The following ZRANB3 variants were observed in gnomAD, a reference collection of about 807,000 sequenced individuals.
The protein encoded by ZRANB3 is DNA annealing helicase and endonuclease ZRANB3.
Under a neutral mutation model 133.8 loss-of-function variants are expected in ZRANB3, and 125 were observed. The ratio of observed to expected loss-of-function variants is 0.93; its 90% confidence interval spans 0.81 to 1.08. The LOEUF is 1.08. ZRANB3 is among the 50% of genes least tolerant of loss of function. ZRANB3 has a pLI of 0.00. For missense variants in ZRANB3, 1,229 were observed against 1,275.5 expected, an observed-to-expected ratio of 0.96 and a Z score of 0.56; for synonymous variants, 387 against 432.7, an observed-to-expected ratio of 0.89 and a Z score of 1.31.
At chr2:135,214,230 T>C (rs1694214181) in intron 17 of ZRANB3, among the ~76,000 whole-genome samples, 2 of 152,164 alleles carry the variant, frequency 1.3e-5, no homozygotes, top group Non-Finnish European at 2.9e-5. Flanking sequence ...AAATTTGTGG[T>C]AATTTGTTAT....
chr2:135,410,256 C>G (rs998575849), intron 2 of ZRANB3, among the ~76,000 whole-genome samples: 3 of 152,048 alleles, frequency 2.0e-5, no homozygotes, highest in Non-Finnish European at 4.4e-5. Flanking sequence ...CTACAGTAAC[C>G]AAAACAGCAT....
At chr2:135,420,690 C>T (rs1473922326) in intron 2 of ZRANB3, among the ~76,000 whole-genome samples, 1 of 152,088 alleles carries the variant, frequency 6.6e-6, no homozygotes, top group Admixed American at 6.6e-5. Context: ...AGTAAGAGTG[C>T]TCTTCTTATA....
chr2:135,478,177 G>A (rs950762000), intron 2 of ZRANB3, among the ~76,000 whole-genome samples: 10 of 151,496 alleles, frequency 6.6e-5, no homozygotes, highest in East Asian at 1.9e-4. Context: ...ACATACACAC[G>A]TCTATAAATA....
rs143717767 is a variant in ZRANB3 at position 135,265,588 on chromosome 2, A to C, written c.1485T>G (p.Ala495=). 888 of 1,613,696 alleles carry C rather than the reference A, an allele frequency of 5.5e-4. 20 individuals carry two copies. In the East Asian group the frequency reaches 0.018, roughly 33 times the overall value. ...EKWDFLQFAE[A]WTPNDSSEEL... ...CTTCAGAACTGTCATTTGGAGTCCA[A>C]GCTTCAGCAAACTGCAGGAAATCCC... The change falls in exon 12 of 21, where the codon GCT becomes GCG. Residue 495 remains alanine (A), a synonymous_variant. Coordinates refer to ENST00000264159, the MANE Select transcript of ZRANB3 (RefSeq NM_032143.4).
At chr2:135,438,790 A>C (rs915093226) in intron 2 of ZRANB3, among the ~76,000 whole-genome samples, 30 of 152,300 alleles carry the variant, frequency 2.0e-4, no homozygotes, top group Non-Finnish European at 1.6e-4. Context: ...CTAAAAAAAT[A>C]TCTCTGAGGC....
chr2:135,516,347 A>T (rs1206169841), intron 1 of ZRANB3, among the ~76,000 whole-genome samples: 1 of 152,110 alleles, frequency 6.6e-6, no homozygotes, highest in Non-Finnish European at 1.5e-5. Flanking sequence ...AGTTGATGAA[A>T]TTTCTTCACA....
chr2:135,523,178 T>C (rs1444730214), intron 1 of ZRANB3, among the ~76,000 whole-genome samples: 2 of 152,176 alleles, frequency 1.3e-5, no homozygotes, highest in Non-Finnish European at 2.9e-5. Flanking sequence ...GTTTCATTCT[T>C]GATTTCTCCC....
intron 12 of ZRANB3, among the ~76,000 whole-genome samples, chr2:135,250,043 G>A (rs1391849293): frequency 2.0e-5 from 3 of 152,198 alleles, no homozygotes; most frequent in Non-Finnish European, 4.4e-5. Context: ...CTAGATACTT[G>A]TTGAATGGCT....
Position 135,240,245 on chromosome 2 carries a change from A to AG in ZRANB3, c.1540-9319dup, listed in dbSNP as rs201770765. Among the ~76,000 whole-genome samples the AG allele has an allele frequency of 2.2e-4, 33 of 152,306 alleles. 3 individuals carry two copies. The highest frequency in any genetic ancestry group is 7.7e-4 in the African/African-American group (32 of 41,566). The stretch of plus-strand genomic sequence containing the variant: ...TAGTCCTAGCTACTTTAGGAGGCTG[A>AG]GGAAGGAGGATTGCTTGAGTCCAGG... On this transcript the variant is annotated intron_variant, in intron 12 of 20. Transcript: ENST00000264159.
chr2:135,347,371 C>CA (rs1684986448), intron 5 of ZRANB3, among the ~76,000 whole-genome samples: 1 of 150,804 alleles, frequency 6.6e-6, no homozygotes, highest in Non-Finnish European at 1.5e-5. Flanking sequence ...CGGCTCACTG[C>CA]AAGCTCCGCC....
Position 135,459,552 on chromosome 2 carries a change from T to C in ZRANB3, c.161+44777A>G, listed in dbSNP as rs1340794953. ...GGATTCTTTGCTCCAATGAGGAATT[T>C]TATCACTGTCTTTGATTTTTTTAAA... On this transcript the variant is annotated intron_variant, in intron 2 of 20. Coordinates refer to ENST00000264159, the MANE Select transcript of ZRANB3 (RefSeq NM_032143.4). Among the ~76,000 whole-genome samples, 3 of 152,212 alleles carry C rather than the reference T, an allele frequency of 2.0e-5. No homozygotes were observed. In the East Asian group the frequency reaches 5.8e-4, roughly 29 times the overall value.
rs572227182 is a variant in ZRANB3, at chr2:135,526,451, A to C, written c.-8+4676T>G. The stretch of plus-strand genomic sequence containing the variant: ...AGTGCTGGGATTACAGGCGTGAGCC[A>C]ATGAGCCCAACCTGATTTTTTTATT... On this transcript the variant is annotated intron_variant, in intron 1 of 20. Coordinates refer to ENST00000264159, the MANE Select transcript of ZRANB3 (RefSeq NM_032143.4). Among the ~76,000 whole-genome samples, 921 of 152,314 alleles carry C rather than the reference A, an allele frequency of 6.0e-3. 5 individuals are homozygous for C. The highest frequency in any genetic ancestry group is 0.034 in the Middle Eastern group (10 of 294).
At chr2:135,265,720 A>T (rs1680207879) in intron 11 of ZRANB3, 34 bp from the exon 12 acceptor site, 19 of 1,583,316 alleles carry the variant, frequency 1.2e-5, no homozygotes, top group Non-Finnish European at 1.6e-5. Context: ...ATTTTTGAGC[A>T]GTTCACCTCA....
At chr2:135,292,900 G>C (rs1015626183) in intron 8 of ZRANB3, among the ~76,000 whole-genome samples, 2 of 151,762 alleles carry the variant, frequency 1.3e-5, no homozygotes, top group African/African-American at 4.9e-5. Context: ...AGATCAGATA[G>C]CTGTAGATAT....
intron 3 of ZRANB3, among the ~76,000 whole-genome samples, chr2:135,362,520 G>A (rs537419840): frequency 6.6e-5 from 10 of 152,202 alleles, no homozygotes; most frequent in Admixed American, 1.3e-4. Context: ...ACTGAGTCGG[G>A]GATGGTGGCA....
chr2:135,407,771 T>G (rs925226261), intron 2 of ZRANB3, among the ~76,000 whole-genome samples: 2 of 149,040 alleles, frequency 1.3e-5, no homozygotes, highest in African/African-American at 5.1e-5. Flanking sequence ...GCTAGCCATA[T>G]GTAGAAAGCT....
At chr2:135,524,173 G>A (rs1694057658) in intron 1 of ZRANB3, among the ~76,000 whole-genome samples, 1 of 151,920 alleles carries the variant, frequency 6.6e-6, no homozygotes, top group Admixed American at 6.6e-5. Flanking sequence ...TGCAACCTGG[G>A]CCTCCCGGGT....
intron 3 of ZRANB3, among the ~76,000 whole-genome samples, chr2:135,369,668 C>T (rs1686083381): frequency 6.6e-6 from 1 of 152,032 alleles, no homozygotes; most frequent in Non-Finnish European, 1.5e-5. Context: ...ACCACTATAG[C>T]CGAAGTAAGG....
chr2:135,355,984 CCTGT>C (rs1368221914), intron 3 of ZRANB3, among the ~76,000 whole-genome samples: 2 of 152,122 alleles, frequency 1.3e-5, no homozygotes, highest in African/African-American at 2.4e-5. Context: ...GTGCCAGTCA[CCTGT>C]CTATCTATAC....
Sources: allele counts gnomAD v4.1 joint callset (sites outside exome capture counted in the v4.1 genomes callset), GRCh38; gene constraint gnomAD v4.1.1; transcripts MANE v1.5; gene names NCBI Gene and HGNC (gene_info 2026-07-23, HGNC 2026-07-21).